TCHH: variants seen among roughly 807,000 people sequenced by gnomAD.
The protein encoded by TCHH is trichohyalin.
A neutral mutation model predicts 6.3 loss-of-function variants in TCHH; 6 were observed. The observed-to-expected ratio is 0.95, with a 90% CI of 0.52 to 1.88. The LOEUF (loss-of-function observed/expected upper bound fraction) is 1.88. Among genes scored for constraint, TCHH ranks in the 40% most tolerant of loss-of-function variants. The pLI is 0.01. For missense variants in TCHH, 2,920 were observed against 2,449.1 expected, an observed-to-expected ratio of 1.19 and a Z score of -4.06; for synonymous variants, 1,087 against 963.6, an observed-to-expected ratio of 1.13 and a Z score of -2.37.
chr1:152,109,833 C>G lies in TCHH; in HGVS notation c.3384G>C (p.Arg1128=). ...QEEEQLLREE[R]EKRRRQELER... is the part of the protein sequence containing the mutation. ...CCAGCTCCTGGCGCCTTCTCTTCTCCCGTTCCTCTCTCAGCAGCTGCTCTT... is the reference window on the plus strand; with the variant it reads ...CCAGCTCCTGGCGCCTTCTCTTCTCGCGTTCCTCTCTCAGCAGCTGCTCTT... The change falls in exon 3 of 3, where the codon CGG becomes CGC. Residue 1128 remains arginine (R), a synonymous_variant. Transcript: ENST00000614923. 3 of 1,611,392 alleles carry G rather than the reference C, an allele frequency of 1.9e-6. No individual in the cohort carries two copies. The highest frequency in any genetic ancestry group is 2.5e-6 in the Non-Finnish European group (3 of 1,179,316).
rs1281912137 is a variant in TCHH, at chr1:152,108,488, G to A, written c.4729C>T (p.Arg1577Cys). ...REEQQLSRQE[R>C]DRKFRLEEQK... ...TCCTCTAAACGGAATTTTCTGTCAC[G>A]CTCTTGGCGGCTCAGCTGCTGTTCC... The change falls in exon 3 of 3, where the codon CGT becomes TGT. Residue 1577 changes from arginine to cysteine, a missense_variant. Transcript: ENST00000614923. 1 of 1,612,476 alleles carries A rather than the reference G, an allele frequency of 6.2e-7. No individual in the cohort carries two copies. Among genetic ancestry groups the A allele is most frequent in the South Asian group, 1.1e-5 (1 of 90,778 alleles).
rs769147628 is a variant in TCHH at position 152,108,559 on chromosome 1, C to G, written c.4658G>C (p.Arg1553Pro). The change falls in exon 3 of 3, where the codon CGT becomes CCT. Residue 1553 changes from arginine to proline, a missense_variant. Arg to Pro is a moderately radical substitution (Grantham distance 103). Transcript: ENST00000614923. ...QERGQQRRQD[R>P]DRKFREEEQL... ...TTCCTCCTCGCGGAATTTTCTGTCA[C>G]GGTCCTGACGCCGCTGTTGCCCGCG... 51 of 1,603,398 alleles carry G rather than the reference C, an allele frequency of 3.2e-5. No individual in the cohort carries two copies. Among genetic ancestry groups the G allele is most frequent in the Non-Finnish European group, 3.7e-5 (44 of 1,176,824 alleles).
intron 2 of TCHH, 105 bp from the exon 3 acceptor site, chr1:152,113,183 T>C: frequency 1.8e-6 from 2 of 1,131,208 alleles, no homozygotes; most frequent in Non-Finnish European, 2.5e-6. Context: ...TCAAGAGACA[T>C]TCAGAGCAAT....
Position 152,109,403 on chromosome 1 carries a change from C to G in TCHH, c.3814G>C (p.Gly1272Arg), listed in dbSNP as rs764567819. The G allele has an allele frequency of 1.9e-5, 30 of 1,614,106 alleles. No individual in the cohort carries two copies. Among genetic ancestry groups the G allele is most frequent in the African/African-American group, 4.0e-5 (3 of 74,956 alleles). Residue 1272 changes from glycine to arginine, a missense_variant, in exon 3 of 3, where the codon GGT (glycine) becomes CGT (arginine). Transcript: ENST00000614923. Reference protein sequence around the residue: ...QSQQDLQHLLGEQQERDREQE... With the variant: ...QSQQDLQHLLREQQERDREQE... Reference sequence around the variant, plus strand: ...TCACGATCTCGCTCTTGCTGTTCACCCAGCAGGTGCTGCAGATCTTGCTGG... The same window carrying G: ...TCACGATCTCGCTCTTGCTGTTCACGCAGCAGGTGCTGCAGATCTTGCTGG...
Position 152,112,546 on chromosome 1 carries a change from T to G in TCHH, c.671A>C (p.Glu224Ala), listed in dbSNP as rs748316757. ...CTCTCGCCTTTGCTGCTGTTTCTCC[T>G]CGCGGCCCTTCCTCCTCAGCTCCAG... is the stretch of plus-strand genomic sequence containing the variant. ...ELLELRRKGR[E>A]EKQQQRRERQ... The change falls in exon 3 of 3, where the codon GAG (glutamate) becomes GCG (alanine). Residue 224 changes from glutamate (E) to alanine (A), a missense_variant. Glu to Ala is a moderately radical substitution (Grantham distance 107, BLOSUM62 -1). Coordinates refer to ENST00000614923, the MANE Select transcript of TCHH (RefSeq NM_007113.4). 2.5e-6 allele frequency: 4 copies of G among 1,613,500 alleles called. No homozygotes were observed. The South Asian group carries it at 4.4e-5, about 18-fold the overall frequency.
In TCHH at chr1:152,110,229, C is replaced by G. The variant is rs758139763; in HGVS notation, c.2988G>C (p.Leu996Phe). 1.9e-6 allele frequency: 3 copies of G among 1,609,482 alleles called. No individual in the cohort carries two copies. Among genetic ancestry groups the G allele is most frequent in the Non-Finnish European group, 2.5e-6 (3 of 1,178,178 alleles). Residue 996 changes from leucine to phenylalanine, a missense_variant, in exon 3 of 3, where the codon TTG (leucine) becomes TTC (phenylalanine). Leu to Phe is a conservative substitution (Grantham distance 22, BLOSUM62 0). Coordinates refer to ENST00000614923, the MANE Select transcript of TCHH (RefSeq NM_007113.4). Reference sequence around the variant, plus strand: ...TCAGCAGCTGCTCTTCCTCCTGCTGCAACTCCTCTTCCTCGCGGTATTTTT... The same window carrying G: ...TCAGCAGCTGCTCTTCCTCCTGCTGGAACTCCTCTTCCTCGCGGTATTTTT... ...REKKYREEEE[L>F]QQEEEQLLRE...
At position 152,112,221 on chromosome 1, in the gene TCHH, C is replaced by A. The variant is rs1658398304; in HGVS notation, c.996G>T (p.Glu332Asp). The change falls in exon 3 of 3, where the codon GAG becomes GAT. Residue 332 changes from glutamate to aspartate, a missense_variant. By Grantham distance (45) the Glu-to-Asp change is conservative (BLOSUM62 2). Coordinates refer to ENST00000614923, the MANE Select transcript of TCHH (RefSeq NM_007113.4). ...GCCTCAGCTGCTGCTCGCGCCTCTC[C>A]TCCTGCTGCTCGCGCCTCTCCTGCT... ...REQQERREQQ[E>D]ERREQQLRRE... The A allele has an allele frequency of 6.3e-7, 1 of 1,586,004 alleles. No individual in the cohort carries two copies. Among genetic ancestry groups the A allele is most frequent in the Non-Finnish European group, 8.5e-7 (1 of 1,169,834 alleles).
chr1:152,107,108 A>T lies in TCHH; in HGVS notation c.*277T>A, dbSNP rs916005308. 1 of 296,854 alleles carries T rather than the reference A, an allele frequency of 3.4e-6. No homozygotes were observed. Among genetic ancestry groups the T allele is most frequent in the African/African-American group, 2.2e-5 (1 of 46,310 alleles). The allele number at this position is 296,854 out of a possible 1,614,324, so 18.4% of individuals were successfully genotyped here. On this transcript the variant is annotated 3_prime_UTR_variant, in exon 3 of 3. Transcript: ENST00000614923. ...GTTCCTCAAACAAAATTTCTTAAAC[A>T]AATTAAATGATTTATATTTTTTTTA... is the stretch of plus-strand genomic sequence containing the variant.
In TCHH at chr1:152,107,661, G is replaced by C; in HGVS notation, c.5556C>G (p.Ala1852=). The C allele has an allele frequency of 6.2e-7, 1 of 1,613,742 alleles. No individual in the cohort carries two copies. Among genetic ancestry groups the C allele is most frequent in the Non-Finnish European group, 8.5e-7 (1 of 1,180,030 alleles). The change falls in exon 3 of 3, where the codon GCC becomes GCG. Residue 1852 remains alanine, a synonymous_variant. Coordinates refer to ENST00000614923, the MANE Select transcript of TCHH (RefSeq NM_007113.4). ...CCTCACGACGACTCTTCTCCTGCGTGGCAAACTGCTCCTCCGCCCGGTACT... is the reference window on the plus strand; with the variant it reads ...CCTCACGACGACTCTTCTCCTGCGTCGCAAACTGCTCCTCCGCCCGGTACT... ...DRQYRAEEQF[A]TQEKSRREEQ... is the part of the protein sequence containing the mutation.
In TCHH at chr1:152,112,263, C is replaced by G. The variant is rs750269640; in HGVS notation, c.954G>C (p.Gln318His). ...RKQEEERREQQEERREQQERR... is the reference protein window; with the variant it reads ...RKQEEERREQHEERREQQERR... Reference sequence around the variant, plus strand: ...TCTCCTGCTGCTCGCGCCTCTCCTCCTGCTGCTCGCGCCTCTCCTCCTCCT... The same window carrying G: ...TCTCCTGCTGCTCGCGCCTCTCCTCGTGCTGCTCGCGCCTCTCCTCCTCCT... Residue 318 changes from glutamine (Q) to histidine (H), a missense_variant, in exon 3 of 3, where the codon CAG (glutamine) becomes CAC (histidine). Coordinates refer to ENST00000614923, the MANE Select transcript of TCHH (RefSeq NM_007113.4). The G allele has an allele frequency of 3.1e-6, 5 of 1,606,986 alleles. No individual in the cohort carries two copies. Among genetic ancestry groups the G allele is most frequent in the Non-Finnish European group, 4.2e-6 (5 of 1,179,238 alleles).
Position 152,108,384 on chromosome 1 carries a change from T to A in TCHH, c.4833A>T (p.Gln1611His), listed in dbSNP as rs941461036. ...EQQLRRQEGQ[Q>H]QLRQERDRKF... ...TTCTGTCGCGCTCCTGGCGCAGCTG[T>A]TGTTGGCCCTCCTGGCGGCGCAGCT... Residue 1611 changes from glutamine (Q) to histidine (H), a missense_variant, in exon 3 of 3, where the codon CAA (glutamine) becomes CAT (histidine). Transcript: ENST00000614923. 5 of 1,610,224 alleles carry A rather than the reference T, an allele frequency of 3.1e-6. No individual in the cohort carries two copies. The highest frequency in any genetic ancestry group is 2.5e-6 in the Non-Finnish European group (3 of 1,178,722).
chr1:152,110,522 G>C lies in TCHH; in HGVS notation c.2695C>G (p.Leu899Val), dbSNP rs1406558360. Residue 899 changes from leucine to valine, a missense_variant, in exon 3 of 3, where the codon CTG becomes GTG. Physicochemically the swap from Leu to Val is conservative, Grantham distance 32. Coordinates refer to ENST00000614923, the MANE Select transcript of TCHH (RefSeq NM_007113.4). The stretch of plus-strand genomic sequence containing the variant: ...TGCAGCAGCTGCTGTTCCTTCCTCA[G>C]CTGCTCTTGTAGGGCTGGCTTGGCG... The part of the protein sequence containing the change: ...LYAKPALQEQ[L>V]RKEQQLLQEE... The C allele has an allele frequency of 7.4e-6, 12 of 1,614,044 alleles. No homozygotes were observed. The highest frequency in any genetic ancestry group is 1.0e-5 in the Non-Finnish European group (12 of 1,180,034).
At position 152,108,841 on chromosome 1, in the gene TCHH, C is replaced by T. The variant is rs1166209739; in HGVS notation, c.4376G>A (p.Arg1459His). Residue 1459 changes from arginine (R) to histidine (H), a missense_variant, in exon 3 of 3, where the codon CGT (arginine) becomes CAT (histidine). Transcript: ENST00000614923. The part of the protein sequence containing the change: ...LEEEQQLRQE[R>H]HRKFREEEQL... ...TTCCTCTTCGCGGAATTTTCTGTGA[C>T]GCTCCTGGCGCAGCTGCTGTTCCTC... 6 of 1,600,424 alleles carry T rather than the reference C, an allele frequency of 3.7e-6. No homozygotes were observed. The African/African-American group carries it at 7.0e-5, about 19-fold the overall frequency.
chr1:152,112,454 T>A lies in TCHH; in HGVS notation c.763A>T (p.Lys255Ter). Residue 255 changes from lysine (K) to a stop codon, truncating the protein, a stop_gained, in exon 3 of 3, where the codon AAG (lysine) becomes TAG (stop). Transcript: ENST00000614923. LOFTEE classifies it low-confidence loss of function (END_TRUNC). ...EWRKRETVLR[K>*]EEEKLQEEEP... ...TCTTCCTGCAACTTCTCTTCTTCCT[T>A]CCGGAGCACTGTCTCGCGCTTCCTC... The A allele has an allele frequency of 6.2e-7, 1 of 1,613,582 alleles. No individual in the cohort carries two copies. The highest frequency in any genetic ancestry group is 8.5e-7 in the Non-Finnish European group (1 of 1,179,936).
At position 152,108,208 on chromosome 1, in the gene TCHH, C is replaced by T. The variant is rs1274028262; in HGVS notation, c.5009G>A (p.Arg1670His). 1 of 1,611,228 alleles carries T rather than the reference C, an allele frequency of 6.2e-7. No homozygotes were observed. The highest frequency in any genetic ancestry group is 1.4e-5 in the African/African-American group (1 of 73,960). Residue 1670 changes from arginine (R) to histidine (H), a missense_variant, in exon 3 of 3, where the codon CGT becomes CAT. Physicochemically the swap from Arg to His is conservative, Grantham distance 29. Transcript: ENST00000614923. ...TTCCTGGAGCAGCTGTTCCTCTTCA[C>T]GGAATTTTCTGTCGCGGTCGTGACG... ...QLRHDRDRKF[R>H]EEEQLLQEGE... is the part of the protein sequence containing the mutation.
chr1:152,108,973 T>C lies in TCHH; in HGVS notation c.4244A>G (p.Lys1415Arg), dbSNP rs1557809205. 6.2e-7 allele frequency: 1 copy of C among 1,612,676 alleles called. No individual in the cohort carries two copies. Among genetic ancestry groups the C allele is most frequent in the Non-Finnish European group, 8.5e-7 (1 of 1,179,532 alleles). ...CAGCTGCTGTTCCTCCTCGCGGAAT[T>C]TTCTGTCGCGGTCCTGACGCAGCTG... ...EQQLRQDRDR[K>R]FREEEQQLSR... The change falls in exon 3 of 3, where the codon AAA (lysine) becomes AGA (arginine). Residue 1415 changes from lysine (K) to arginine (R), a missense_variant. Physicochemically the swap from Lys to Arg is conservative, Grantham distance 26. Transcript: ENST00000614923.
rs1553194712 is a variant in TCHH, at chr1:152,112,256, T to C, written c.961A>G (p.Arg321Gly). The change falls in exon 3 of 3, where the codon AGG (arginine) becomes GGG (glycine). Residue 321 changes from arginine to glycine, a missense_variant. Transcript: ENST00000614923. The stretch of plus-strand genomic sequence containing the variant: ...TCGCGCCTCTCCTGCTGCTCGCGCC[T>C]CTCCTCCTGCTGCTCGCGCCTCTCC... ...EEERREQQEE[R>G]REQQERREQQ... 9 of 1,526,568 alleles carry C rather than the reference T, an allele frequency of 5.9e-6. No individual in the cohort carries two copies. The highest frequency in any genetic ancestry group is 2.3e-5 in the South Asian group (2 of 86,162). 94.6% of individuals were successfully genotyped at this position (1,526,568 alleles called of 1,614,324 possible).
rs201524322 is a variant in TCHH, at chr1:152,111,303, C to T, written c.1914G>A (p.Glu638=). The T allele has an allele frequency of 1.4e-4, 216 of 1,599,010 alleles. No homozygotes were observed. Among genetic ancestry groups the T allele is most frequent in the Admixed American group, 5.7e-4 (34 of 59,298 alleles). The change falls in exon 3 of 3, where the codon GAG becomes GAA. Residue 638 remains glutamate, a synonymous_variant. Coordinates refer to ENST00000614923, the MANE Select transcript of TCHH (RefSeq NM_007113.4). ...ERRQQLLKSE[E]QEERRQQQLR... ...GTTGCTGCTGGCGCCTCTCCTCCTG[C>T]TCCTCGCTCTTCAGCAGCTGCTGGC...
Position 152,107,275 on chromosome 1 carries a change from C to T in TCHH, c.*110G>A, listed in dbSNP as rs1358269886. ...TTTGGAAGAAAAGACATTCTAATAT[C>T]AGAGAGTTTTCCCACAACCAGAAAC... On this transcript the variant is annotated 3_prime_UTR_variant, in exon 3 of 3. Coordinates refer to ENST00000614923, the MANE Select transcript of TCHH (RefSeq NM_007113.4). The T allele has an allele frequency of 8.7e-7, 1 of 1,143,860 alleles. No homozygotes were observed. Among genetic ancestry groups the T allele is most frequent in the African/African-American group, 1.5e-5 (1 of 64,718 alleles). The allele number at this position is 1,143,860 out of a possible 1,614,324, so 70.9% of individuals were successfully genotyped here. A position where few individuals can be genotyped will look rare whatever the true frequency, so the allele number is the denominator to read the frequency against.
Sources: gnomAD v4.1 joint callset for allele counts on GRCh38, gnomAD v4.1.1 for gene constraint, MANE v1.5 for transcripts, NCBI Gene and HGNC (gene_info 2026-07-23, HGNC 2026-07-21) for gene names.